BLOC1S2: variants seen among roughly 807,000 people sequenced by gnomAD.
BLOC1S2 encodes biogenesis of lysosomal organelles complex 1 subunit 2.
In BLOC1S2, 12 loss-of-function variants were observed where a neutral mutation model predicts 19.6. The ratio of observed to expected loss-of-function variants is 0.61; its 90% confidence interval spans 0.39 to 0.99. The LOEUF (loss-of-function observed/expected upper bound fraction) is 0.99, where lower values mean the gene tolerates loss of function less well. Ranked by LOEUF, BLOC1S2 falls within the 50% of genes least tolerant of loss-of-function variation. BLOC1S2 has a pLI of 0.00. For synonymous variants in BLOC1S2, 66 were observed against 64.1 expected, an observed-to-expected ratio of 1.03 and a Z score of -0.14; for missense variants, 142 against 171.0, an observed-to-expected ratio of 0.83 and a Z score of 0.95.
chr10:100,282,971 G>T, intron 2 of BLOC1S2: 1 of 398,552 alleles, frequency 2.5e-6, no homozygotes, highest in Non-Finnish European at 4.4e-6. Context: ...CTACGAAAGT[G>T]ACTCCGAAAT....
In BLOC1S2 at chr10:100,274,109, T is replaced by C. The variant is rs1309302743; in HGVS notation, c.*1353A>G. ...AGACTCCATCTGTATAAAAAATAAT[T>C]AGCAAGGCATGGTGGAGCGTGCTGG... On this transcript the variant is annotated 3_prime_UTR_variant, in exon 5 of 5. Transcript: ENST00000370372. 2 of 152,026 alleles carry C rather than the reference T, an allele frequency of 1.3e-5. No homozygotes were observed. Among genetic ancestry groups the C allele is most frequent in the African/African-American group, 4.8e-5 (2 of 41,384 alleles). The allele number at this position is 152,026 out of a possible 1,614,324, so 9.4% of individuals were successfully genotyped here.
At chr10:100,278,411 G>A (rs1291113445) in intron 4 of BLOC1S2, among the ~76,000 whole-genome samples, 2 of 152,220 alleles carry the variant, frequency 1.3e-5, no homozygotes. Flanking sequence ...GTGGGGAAAA[G>A]ATTGAGAAAT....
chr10:100,280,858 C>G, intron 3 of BLOC1S2, 76 bp downstream of exon 3: 1,915 of 1,294,488 alleles, frequency 1.5e-3, no homozygotes, highest in Non-Finnish European at 1.8e-3. Flanking sequence ...TGTCATGTTC[C>G]CTCCTCTTCT....
Position 100,278,052 on chromosome 10 carries a change from G to A in BLOC1S2, c.397+2072C>T, listed in dbSNP as rs577191832. Among the ~76,000 whole-genome samples the A allele has an allele frequency of 1.1e-3, 161 of 141,390 alleles. 3 individuals are homozygous for A. The highest frequency in any genetic ancestry group is 0.011 in the East Asian group (49 of 4,482). The allele number at this position is 141,390 out of a possible 152,430, so 92.8% of individuals were successfully genotyped here. The stretch of plus-strand genomic sequence containing the variant: ...CCCGGCCAGCCGCCCCGTCCGGGAG[G>A]GAGGTGGGGGGCTCAGCCCCCCGCC... On this transcript the variant is annotated intron_variant, in intron 4 of 4. Transcript: ENST00000370372.
intron 2 of BLOC1S2, among the ~76,000 whole-genome samples, chr10:100,281,411 C>A (rs556405264): frequency 2.6e-5 from 4 of 152,018 alleles, no homozygotes; most frequent in Non-Finnish European, 5.9e-5. Context: ...TCAGGCTGGG[C>A]GCGGTGGCTC....
intron 4 of BLOC1S2, among the ~76,000 whole-genome samples, chr10:100,277,059 A>C (rs28709329): frequency 1.9e-3 from 266 of 142,064 alleles, no homozygotes; most frequent in Middle Eastern, 0.015. Context: ...GGAAGTGAGG[A>C]GCGCCTCCTC....
At chr10:100,276,969 C>T (rs1847897187) in intron 4 of BLOC1S2, among the ~76,000 whole-genome samples, 1 of 151,526 alleles carries the variant, frequency 6.6e-6, no homozygotes, top group Admixed American at 6.6e-5. Flanking sequence ...TGCCCATCGT[C>T]TGGGATGTGA....
chr10:100,286,663 G>T lies in BLOC1S2; in HGVS notation c.-4C>A, dbSNP rs775132211. 6.8e-6 allele frequency: 11 copies of T among 1,610,098 alleles called. 1 individual carries two copies. Among genetic ancestry groups the T allele is most frequent in the South Asian group, 6.6e-5 (6 of 90,634 alleles). ...CGCCCTCGGCTGCCGCCGCCATAGC[G>T]GACCCCGCGCTGTTTCCGGGCCGGG... On this transcript the variant is annotated 5_prime_UTR_variant, in exon 1 of 5. Transcript: ENST00000370372.
chr10:100,277,121 C>T (rs28576311), intron 4 of BLOC1S2, among the ~76,000 whole-genome samples: 14 of 142,214 alleles, frequency 9.8e-5, no homozygotes, highest in Admixed American at 2.1e-4. Context: ...CGGCAGCCCA[C>T]CGTCTGAGAT....
chr10:100,275,954 C>T (rs949328463), intron 4 of BLOC1S2, among the ~76,000 whole-genome samples: 1 of 152,096 alleles, frequency 6.6e-6, no homozygotes, highest in Non-Finnish European at 1.5e-5. Flanking sequence ...ATTTAAAAGG[C>T]CATCAAATAA....
intron 4 of BLOC1S2, among the ~76,000 whole-genome samples, chr10:100,276,514 C>G (rs1186895433): frequency 2.1e-5 from 3 of 143,666 alleles, no homozygotes; most frequent in Admixed American, 7.0e-5. Context: ...TCCCGTCTCC[C>G]TCTCCCTCTC....
chr10:100,282,571 T>A (rs1050487107), intron 2 of BLOC1S2, among the ~76,000 whole-genome samples: 1 of 152,256 alleles, frequency 6.6e-6, no homozygotes, highest in Non-Finnish European at 1.5e-5. Flanking sequence ...TAGATGTCTA[T>A]GCCAGATGCT....
intron 4 of BLOC1S2, among the ~76,000 whole-genome samples, chr10:100,277,632 A>C (rs1589647740): frequency 8.4e-6 from 1 of 118,986 alleles, no homozygotes; most frequent in Non-Finnish European, 1.8e-5. Flanking sequence ...CTGCCCAGCC[A>C]GCCACCCCGT....
At chr10:100,284,441 G>A (rs1848185104) in intron 2 of BLOC1S2, among the ~76,000 whole-genome samples, 2 of 152,156 alleles carry the variant, frequency 1.3e-5, no homozygotes, top group South Asian at 2.1e-4. Flanking sequence ...TTGGGAAGCT[G>A]AGGTGTTAGG....
At chr10:100,284,830 T>C (rs1848195207) in intron 2 of BLOC1S2, among the ~76,000 whole-genome samples, 2 of 151,694 alleles carry the variant, frequency 1.3e-5, no homozygotes, top group African/African-American at 4.8e-5. Flanking sequence ...AGAAAAGTAA[T>C]GAAGATCTCA....
intron 2 of BLOC1S2, among the ~76,000 whole-genome samples, chr10:100,281,842 T>C (rs77019806): frequency 0.073 from 11,050 of 152,078 alleles, 730 homozygotes; most frequent in African/African-American, 0.16. Flanking sequence ...ACCATCTGTC[T>C]GCTTCTCATA....
At chr10:100,276,881 G>GC (rs1230590735) in intron 4 of BLOC1S2, among the ~76,000 whole-genome samples, 41 of 152,224 alleles carry the variant, frequency 2.7e-4, no homozygotes, top group Non-Finnish European at 4.4e-4. Flanking sequence ...GCCTGCCTTG[G>GC]CCCCCCCAAA....
intron 4 of BLOC1S2, among the ~76,000 whole-genome samples, chr10:100,279,448 A>C (rs1187465387): frequency 3.3e-5 from 5 of 152,176 alleles, no homozygotes; most frequent in African/African-American, 1.2e-4. Flanking sequence ...AAAATCATGT[A>C]CTTGAACCAG....
At chr10:100,281,711 TACACACACACACACACACAC>T (rs71013439) in intron 2 of BLOC1S2, among the ~76,000 whole-genome samples, 2 of 132,540 alleles carry the variant, frequency 1.5e-5, no homozygotes, top group African/African-American at 2.9e-5. Context: ...TATATACACA[TACACACACACACACACACAC>T]ACACACACAC....
Sources: allele counts gnomAD v4.1 joint callset (sites outside exome capture counted in the v4.1 genomes callset), GRCh38; gene constraint gnomAD v4.1.1; transcripts MANE v1.5; gene names NCBI Gene and HGNC (gene_info 2026-07-23, HGNC 2026-07-21).